NCR1: variants seen among roughly 807,000 people sequenced by gnomAD.
NCR1 encodes the protein NK cell-activating receptor.
In NCR1, 30 loss-of-function variants were observed where a neutral mutation model predicts 32.5. The ratio of observed to expected loss-of-function variants is 0.92; its 90% CI spans 0.69 to 1.25. The LOEUF (loss-of-function observed/expected upper bound fraction) is 1.25. NCR1 is among the 50% of genes most tolerant of loss of function. The pLI is 0.00. For missense variants in NCR1, 369 were observed against 380.7 expected, an observed-to-expected ratio of 0.97 and a Z score of 0.26; for synonymous variants, 169 against 143.4, an observed-to-expected ratio of 1.18 and a Z score of -1.28.
At chr19:54,901,009 G>T in the NCR1 span, among the ~76,000 whole-genome samples, 1 of 151,798 alleles carries the variant, frequency 6.6e-6, no homozygotes, top group Admixed American at 6.6e-5. Flanking sequence ...AAAAGGCCGG[G>T]TGCGGTGGCT....
chr19:54,931,685 C>CAA, the NCR1 span, among the ~76,000 whole-genome samples: 1 of 129,742 alleles, frequency 7.7e-6, no homozygotes, highest in Non-Finnish European at 1.7e-5. Flanking sequence ...AACTCCATCT[C>CAA]AAAAAAAAAA....
At chr19:54,929,561 C>G in the NCR1 span, among the ~76,000 whole-genome samples, 1 of 152,036 alleles carries the variant, frequency 6.6e-6, no homozygotes, top group Non-Finnish European at 1.5e-5. Context: ...TTTGTGGAGA[C>G]TTTGCATTTT....
chr19:54,934,099 C>T, the NCR1 span, among the ~76,000 whole-genome samples: 1 of 152,152 alleles, frequency 6.6e-6, no homozygotes, highest in Non-Finnish European at 1.5e-5. This position sits in a 1 kb window ranked among gnomAD's most constrained non-coding sequence, Gnocchi z 6.7. Flanking sequence ...GCCCACCACA[C>T]CTGGATAATT....
upstream of NCR1, among the ~76,000 whole-genome samples, chr19:54,903,452 A>ACACG (rs1569535634): frequency 9.2e-6 from 1 of 109,142 alleles, no homozygotes; most frequent in South Asian, 2.9e-4. Flanking sequence ...GTATGTATAT[A>ACACG]CATATATGTA....
upstream of NCR1, among the ~76,000 whole-genome samples, chr19:54,901,360 CAAAAAAAAAA>C (rs80189325): frequency 4.4e-5 from 4 of 91,206 alleles, no homozygotes; most frequent in South Asian, 3.7e-4. Context: ...GAGTCCATCT[CAAAAAAAAAA>C]AAAAAAAAAA....
At chr19:54,925,553 C>T in the NCR1 span, among the ~76,000 whole-genome samples, 1 of 152,160 alleles carries the variant, frequency 6.6e-6, no homozygotes, top group Non-Finnish European at 1.5e-5. Flanking sequence ...CGCCTGCAAT[C>T]CGGGTACTTT....
chr19:54,934,653 T>C, the NCR1 span: 1 of 1,612,636 alleles, frequency 6.2e-7, no homozygotes, highest in Non-Finnish European at 8.5e-7. This position sits in a 1 kb window ranked among gnomAD's most constrained non-coding sequence, Gnocchi z 6.7. Context: ...CACAGTGACC[T>C]CCCAACCTGT....
At chr19:54,903,471 CGG>C (rs1315078211), upstream of NCR1, among the ~76,000 whole-genome samples, 1 of 122,498 alleles carries the variant, frequency 8.2e-6, no homozygotes, top group African/African-American at 2.9e-5. Flanking sequence ...TATGTATACA[CGG>C]ATACATGTAT....
At chr19:54,935,559 G>C in the NCR1 span, among the ~76,000 whole-genome samples, 1 of 148,890 alleles carries the variant, frequency 6.7e-6, no homozygotes, top group African/African-American at 2.5e-5. Context: ...TGCCAGGCGT[G>C]GTGGTGCACG....
In NCR1 at chr19:54,912,968, T is replaced by A; in HGVS notation, c.*97T>A. 8.3e-7 allele frequency: 1 copy of A among 1,202,524 alleles called. No homozygotes were observed. The highest frequency in any genetic ancestry group is 1.2e-6 in the Non-Finnish European group (1 of 863,268). 74.5% of individuals were successfully genotyped at this position (1,202,524 alleles called of 1,614,324 possible). A position where few individuals can be genotyped will look rare whatever the true frequency, so the allele number is the denominator to read the frequency against. ...TGTGTTGGACCCACGGAGGAGGGAG[T>A]CACTGCAGGGAAAGAGGGACACTGG... On this transcript the variant is annotated 3_prime_UTR_variant, in exon 7 of 7. Transcript: ENST00000291890.
the NCR1 span, among the ~76,000 whole-genome samples, chr19:54,937,297 T>A: frequency 4.4e-4 from 65 of 149,258 alleles, 1 homozygote; most frequent in Non-Finnish European, 7.7e-4. Context: ...GGTGACAAAA[T>A]AATCTGTACA....
upstream of NCR1, among the ~76,000 whole-genome samples, chr19:54,903,502 G>T (rs1323439084): frequency 1.5e-5 from 2 of 131,846 alleles, no homozygotes; most frequent in East Asian, 2.4e-4. Context: ...ATATATGTAT[G>T]TATACACGCA....
At chr19:54,935,407 T>G in the NCR1 span, among the ~76,000 whole-genome samples, 1 of 151,958 alleles carries the variant, frequency 6.6e-6, no homozygotes, top group East Asian at 1.9e-4. Context: ...AATAAAAATT[T>G]TATCCTGGCC....
Position 54,906,349 on chromosome 19 carries a change from C to G in NCR1, c.70+15C>G. The G allele has an allele frequency of 6.2e-7, 1 of 1,612,922 alleles. No individual in the cohort carries two copies. Among genetic ancestry groups the G allele is most frequent in the Middle Eastern group, 1.7e-4 (1 of 6,056 alleles). ...CGCCCAGCAGCGTGAGTCCTTCCTT[C>G]AAAGCCCAGGGTCACTCTTCCGGAT... On this transcript the variant is annotated intron_variant, in intron 2 of 6. Coordinates refer to ENST00000291890, the MANE Select transcript of NCR1 (RefSeq NM_004829.7).
At chr19:54,920,441 G>A (rs1240835271), downstream of NCR1, among the ~76,000 whole-genome samples, 1 of 152,160 alleles carries the variant, frequency 6.6e-6, no homozygotes, top group Non-Finnish European at 1.5e-5. Flanking sequence ...CCCCAGATGT[G>A]ACTCTATTTG....
At chr19:54,899,668 C>T in the NCR1 span, among the ~76,000 whole-genome samples, 2 of 151,586 alleles carry the variant, frequency 1.3e-5, no homozygotes, top group African/African-American at 4.9e-5. Flanking sequence ...TCTTGCCCCC[C>T]CAGAAAAGCA....
chr19:54,935,421 C>A, the NCR1 span, among the ~76,000 whole-genome samples: 1 of 151,974 alleles, frequency 6.6e-6, no homozygotes, highest in African/African-American at 2.4e-5. Flanking sequence ...CCTGGCCAGG[C>A]GCAGTGGTTC....
At chr19:54,935,288 G>C in the NCR1 span, among the ~76,000 whole-genome samples, 2 of 151,930 alleles carry the variant, frequency 1.3e-5, no homozygotes, top group African/African-American at 4.8e-5. Context: ...GGAGTGCAGT[G>C]GCATGATCAC....
chr19:54,912,322 C>T (rs1010396882), intron 6 of NCR1, 104 bp downstream of exon 6: 49 of 1,135,414 alleles, frequency 4.3e-5, no homozygotes, highest in South Asian at 2.0e-4. Context: ...CTTGGCCAGG[C>T]GCAGTAGCTC....
Sources: gnomAD v4.1 joint callset for allele counts (sites outside exome capture counted in the v4.1 genomes callset) on GRCh38, gnomAD v4.1.1 for gene constraint, Gnocchi (gnomAD v3.1) non-coding constraint, MANE v1.5 for transcripts, NCBI Gene and HGNC (gene_info 2026-07-23, HGNC 2026-07-21) for gene names.